Variants in CSTPP1 observed in about 807,000 individuals in gnomAD.
CSTPP1 encodes the protein UPF0705 protein C11orf49.
chr11:47,130,349 T>C, the CSTPP1 span, among the ~76,000 whole-genome samples: 5 of 151,784 alleles, frequency 3.3e-5, no homozygotes, highest in South Asian at 1.0e-3. Flanking sequence ...TGGCAAAGGG[T>C]AGTGTTCATA....
At chr11:46,979,357 A>G in the CSTPP1 span, among the ~76,000 whole-genome samples, 1 of 152,184 alleles carries the variant, frequency 6.6e-6, no homozygotes, top group Admixed American at 6.5e-5. Flanking sequence ...TTAGCAATTT[A>G]CAGGATTTTT....
At chr11:47,096,273 C>T in the CSTPP1 span, among the ~76,000 whole-genome samples, 1 of 152,076 alleles carries the variant, frequency 6.6e-6, no homozygotes. Flanking sequence ...TAAGTACAAC[C>T]ATCACCACGC....
the CSTPP1 span, among the ~76,000 whole-genome samples, chr11:46,965,663 G>T: frequency 1.3e-5 from 2 of 152,044 alleles, no homozygotes; most frequent in African/African-American, 4.8e-5. Flanking sequence ...ATTTGCTTTT[G>T]CATTCAGACT....
the CSTPP1 span, among the ~76,000 whole-genome samples, chr11:46,994,372 G>C: frequency 6.6e-6 from 1 of 152,166 alleles, no homozygotes. Flanking sequence ...CAAAGGGAAT[G>C]CTTCCAGCTT....
chr11:47,038,256 T>A, the CSTPP1 span, among the ~76,000 whole-genome samples: 2 of 90,698 alleles, frequency 2.2e-5, no homozygotes, highest in Admixed American at 1.1e-4. Flanking sequence ...ACTTCCCGGA[T>A]GGGGCGGCTG....
chr11:47,001,843 G>C, the CSTPP1 span, among the ~76,000 whole-genome samples: 1 of 152,044 alleles, frequency 6.6e-6, no homozygotes, highest in Non-Finnish European at 1.5e-5. Context: ...TGTGTCCATG[G>C]TAACAGAGGA....
chr11:47,060,514 G>T, the CSTPP1 span, among the ~76,000 whole-genome samples: 1 of 151,888 alleles, frequency 6.6e-6, no homozygotes, highest in Admixed American at 6.6e-5. Flanking sequence ...CTGATTACAG[G>T]TGTGAGCCAC....
the CSTPP1 span, among the ~76,000 whole-genome samples, chr11:47,139,333 G>C: frequency 1.3e-5 from 2 of 152,128 alleles, no homozygotes; most frequent in Admixed American, 1.3e-4. Flanking sequence ...AGGAGGCAAG[G>C]GTTGGCAGTG....
the CSTPP1 span, among the ~76,000 whole-genome samples, chr11:46,966,577 T>C: frequency 6.6e-6 from 1 of 152,156 alleles, no homozygotes; most frequent in African/African-American, 2.4e-5. Flanking sequence ...ACAACCAGGA[T>C]TTGTGCATTA....
chr11:47,054,486 A>T, the CSTPP1 span, among the ~76,000 whole-genome samples: 8 of 151,814 alleles, frequency 5.3e-5, no homozygotes, highest in African/African-American at 1.5e-4. Flanking sequence ...CTAATTTTAA[A>T]TTTTTTTGTA....
the CSTPP1 span, among the ~76,000 whole-genome samples, chr11:47,064,423 T>C: frequency 2.0e-5 from 3 of 152,196 alleles, no homozygotes. Flanking sequence ...TCCCCTATGT[T>C]TTCTTCTAAG....
At chr11:46,939,194 G>A in the CSTPP1 span, among the ~76,000 whole-genome samples, 2 of 146,938 alleles carry the variant, frequency 1.4e-5, no homozygotes, top group African/African-American at 2.5e-5. Flanking sequence ...GGGTTCAAGT[G>A]ATTCTCCTGC....
At chr11:46,983,671 G>A in the CSTPP1 span, among the ~76,000 whole-genome samples, 1 of 152,020 alleles carries the variant, frequency 6.6e-6, no homozygotes, top group East Asian at 1.9e-4. Flanking sequence ...GACACTCTCC[G>A]TGTTTTATTG....
chr11:46,982,723 A>G, the CSTPP1 span, among the ~76,000 whole-genome samples: 8 of 152,290 alleles, frequency 5.3e-5, no homozygotes, highest in East Asian at 1.9e-4. Context: ...GTATATTTTT[A>G]TAGTTATAGA....
At chr11:47,146,100 C>T in the CSTPP1 span, among the ~76,000 whole-genome samples, 4 of 151,958 alleles carry the variant, frequency 2.6e-5, no homozygotes, top group South Asian at 2.1e-4. Flanking sequence ...CAGTGGCTCA[C>T]GCCTGTAATC....
the CSTPP1 span, among the ~76,000 whole-genome samples, chr11:47,046,660 C>CTTTTTTTT: frequency 3.7e-3 from 297 of 79,762 alleles, no homozygotes; most frequent in East Asian, 0.01. Context: ...ATCTTCTTTT[C>CTTTTTTTT]TTTTTTTTTT....
chr11:47,022,358 C>CTTTTTTT, the CSTPP1 span, among the ~76,000 whole-genome samples: 2 of 48,806 alleles, frequency 4.1e-5, no homozygotes, highest in East Asian at 8.1e-4. Context: ...TTCATATGTC[C>CTTTTTTT]TTTTTTTTTT....
the CSTPP1 span, among the ~76,000 whole-genome samples, chr11:46,999,075 CAT>C: frequency 1.3e-5 from 2 of 152,100 alleles, no homozygotes; most frequent in African/African-American, 4.8e-5. Flanking sequence ...ATAAGAGAAA[CAT>C]AGTGAAGTGG....
chr11:47,010,459 T>C, the CSTPP1 span, among the ~76,000 whole-genome samples: 26 of 152,192 alleles, frequency 1.7e-4, no homozygotes, highest in African/African-American at 6.3e-4. Flanking sequence ...TGGATCAGAC[T>C]GTTGTGGTGA....
Sources: gnomAD v4.1 joint callset for allele counts (sites outside exome capture counted in the v4.1 genomes callset) on GRCh38, gnomAD v4.1.1 for gene constraint, MANE v1.5 for transcripts, NCBI Gene and HGNC (gene_info 2026-07-23, HGNC 2026-07-21) for gene names.